RARB: variants seen among roughly 807,000 people sequenced by gnomAD.
RARB encodes the protein retinoic acid receptor beta, also known as HBV-activated protein.
Under a neutral mutation model 51.9 loss-of-function variants are expected in RARB, and 17 were observed. The observed-to-expected ratio is 0.33, with a 90% CI of 0.22 to 0.49. RARB has a LOEUF of 0.49. Among genes scored for constraint, RARB ranks in the 20% least tolerant of loss-of-function variants. RARB has a pLI of 0.99. For missense variants in RARB, 369 were observed against 550.8 expected (o/e 0.67, Z 3.30); for synonymous variants, 215 against 195.4 (o/e 1.10, Z -0.84).
At position 25,035,973 on chromosome 3, in the gene RARB, G is replaced by A. The variant is rs1009025669; in HGVS notation, c.-379-24152G>A. On this transcript the variant is annotated intron_variant, in intron 2 of 11. Coordinates refer to the RARB transcript ENST00000383772. Reference sequence around the variant, plus strand: ...CAGATGTTGTGACATGGTCCTTCACGAGACCCTTCATAGCAGGCAGAACTG... The same window carrying A: ...CAGATGTTGTGACATGGTCCTTCACAAGACCCTTCATAGCAGGCAGAACTG... Among the ~76,000 whole-genome samples, 8 of 152,180 alleles carry A rather than the reference G, an allele frequency of 5.3e-5. No homozygotes were observed. The East Asian group carries it at 5.8e-4, about 11-fold the overall frequency.
At chr3:25,351,397 T>A (rs993780977) in intron 5 of RARB, among the ~76,000 whole-genome samples, 2 of 152,170 alleles carry the variant, frequency 1.3e-5, no homozygotes, top group African/African-American at 4.8e-5. Flanking sequence ...TGCACTCCTT[T>A]GATTGTTTAT....
At chr3:24,849,059 C>A (rs1353859033) in intron 1 of RARB, among the ~76,000 whole-genome samples, 1 of 152,130 alleles carries the variant, frequency 6.6e-6, no homozygotes, top group Non-Finnish European at 1.5e-5. Flanking sequence ...CTTTCCAAGG[C>A]CCCCAGTGGA....
intron 3 of RARB, 36 bp from the exon 4 acceptor site, chr3:25,569,722 C>G: frequency 6.3e-7 from 1 of 1,596,828 alleles, no homozygotes; most frequent in Non-Finnish European, 8.5e-7. Flanking sequence ...GCCCAGCCTT[C>G]AGCGACCCCT....
intron 5 of RARB, among the ~76,000 whole-genome samples, chr3:25,331,493 A>G (rs565693406): frequency 6.6e-6 from 1 of 152,346 alleles, no homozygotes; most frequent in East Asian, 1.9e-4. Context: ...CAAAGACACA[A>G]CATACCAGAA....
intron 5 of RARB, among the ~76,000 whole-genome samples, chr3:25,190,767 C>T (rs535663404): frequency 1.9e-4 from 29 of 152,182 alleles, no homozygotes; most frequent in African/African-American, 5.1e-4. Flanking sequence ...ACTTATGTCG[C>T]GTGCTGCTTA....
intron 5 of RARB, among the ~76,000 whole-genome samples, chr3:25,183,565 G>A (rs1040532251): frequency 3.3e-5 from 5 of 152,120 alleles, no homozygotes; most frequent in Non-Finnish European, 5.9e-5. Context: ...CATATTACAA[G>A]TTCATATTCA....
chr3:25,078,213 AC>A (rs2125311642), intron 3 of RARB, among the ~76,000 whole-genome samples: 1 of 152,272 alleles, frequency 6.6e-6, no homozygotes, highest in Non-Finnish European at 1.5e-5. Context: ...CTCAAAGGAT[AC>A]AAAAATATTT....
chr3:25,169,196 G>GGAAAAAAGCTACCCAACT (rs1423960696), intron 4 of RARB, among the ~76,000 whole-genome samples: 8 of 152,020 alleles, frequency 5.3e-5, no homozygotes, highest in Admixed American at 2.0e-4. Flanking sequence ...AAAACTCTTA[G>GGAAAAAAGCTACCCAACT]GAAAAAAGCT....
intron 5 of RARB, among the ~76,000 whole-genome samples, chr3:25,378,359 C>T (rs1254449474): frequency 1.3e-5 from 2 of 152,162 alleles, no homozygotes; most frequent in Non-Finnish European, 2.9e-5. Context: ...TGGCGTGATG[C>T]CTCTGCCTCT....
At chr3:25,426,566 A>T (rs1707995418), upstream of RARB, among the ~76,000 whole-genome samples, 1 of 152,230 alleles carries the variant, frequency 6.6e-6, no homozygotes, top group African/African-American at 2.4e-5. Flanking sequence ...CCGGATGCCA[A>T]TGCACATTCC....
At chr3:25,061,894 T>A (rs1052592573) in intron 3 of RARB, among the ~76,000 whole-genome samples, 1 of 151,696 alleles carries the variant, frequency 6.6e-6, no homozygotes, top group Admixed American at 6.6e-5. Context: ...GTTTAAATAA[T>A]TAAAACATTT....
At chr3:25,015,178 G>A (rs894813173) in intron 2 of RARB, among the ~76,000 whole-genome samples, 1 of 152,100 alleles carries the variant, frequency 6.6e-6, no homozygotes, top group Non-Finnish European at 1.5e-5. Context: ...CTATATATTT[G>A]ATGGTGTGAC....
intron 2 of RARB, among the ~76,000 whole-genome samples, chr3:24,909,869 G>A (rs990091889): frequency 8.5e-5 from 13 of 152,076 alleles, no homozygotes; most frequent in Non-Finnish European, 1.6e-4. Context: ...TAGCATAAAT[G>A]TCTATATTTG....
At chr3:25,107,605 G>A (rs1699531090) in intron 3 of RARB, among the ~76,000 whole-genome samples, 1 of 152,122 alleles carries the variant, frequency 6.6e-6, no homozygotes, top group African/African-American at 2.4e-5. Context: ...GAAACCACAA[G>A]TAGTACTGAA....
chr3:25,405,462 G>A (rs1047313623), intron 5 of RARB, among the ~76,000 whole-genome samples: 1 of 152,194 alleles, frequency 6.6e-6, no homozygotes, highest in African/African-American at 2.4e-5. Context: ...GTTTGGTGAT[G>A]TGGAAATACA....
intron 2 of RARB, among the ~76,000 whole-genome samples, chr3:25,022,251 A>G (rs1325283196): frequency 6.6e-6 from 1 of 152,180 alleles, no homozygotes; most frequent in Non-Finnish European, 1.5e-5. Flanking sequence ...CCTTGTCATT[A>G]CTCACCCTAA....
chr3:25,495,820 A>G (rs1575459415), intron 2 of RARB, among the ~76,000 whole-genome samples: 1 of 152,252 alleles, frequency 6.6e-6, no homozygotes. Context: ...TTAATCAAGA[A>G]AAGTCATAAT....
chr3:24,844,203 C>T (rs1333723518), intron 1 of RARB, among the ~76,000 whole-genome samples: 1 of 152,206 alleles, frequency 6.6e-6, no homozygotes, highest in Non-Finnish European at 1.5e-5. Flanking sequence ...GGTTTGCTCT[C>T]TGCCATTCTT....
chr3:25,313,932 G>A (rs1033978435), intron 5 of RARB, among the ~76,000 whole-genome samples: 6 of 152,004 alleles, frequency 3.9e-5, no homozygotes, highest in Admixed American at 6.6e-5. Context: ...TTAGCTAGGT[G>A]TGATGGTATG....
Sources: gnomAD v4.1 joint callset for allele counts (sites outside exome capture counted in the v4.1 genomes callset) on GRCh38, gnomAD v4.1.1 for gene constraint, MANE v1.5 for transcripts, NCBI Gene and HGNC (gene_info 2026-07-23, HGNC 2026-07-21) for gene names.